The following MARCHF8 variants were observed in gnomAD, a reference collection of about 807,000 sequenced individuals.
MARCHF8 encodes membrane associated ring-CH-type finger 8.
In MARCHF8, 40 loss-of-function variants were observed where a neutral mutation model predicts 51.6. That is an observed-to-expected ratio of 0.77 (90% CI 0.60 to 1.01). The LOEUF (loss-of-function observed/expected upper bound fraction) is 1.01, where lower values mean the gene tolerates loss of function less well. Ranked by LOEUF, MARCHF8 falls within the 50% of genes least tolerant of loss-of-function variation. MARCHF8 has a pLI of 0.00. For missense variants in MARCHF8, 685 were observed against 708.6 expected, an observed-to-expected ratio of 0.97 and a Z score of 0.38; for synonymous variants, 263 against 280.3, an observed-to-expected ratio of 0.94 and a Z score of 0.62.
intron 2 of MARCHF8, among the ~76,000 whole-genome samples, chr10:45,498,419 G>A (rs930465605): frequency 3.3e-5 from 5 of 151,458 alleles, no homozygotes; most frequent in Admixed American, 1.3e-4. Flanking sequence ...TTCTTTTTGC[G>A]ATTAGCTCAC....
intron 1 of MARCHF8, among the ~76,000 whole-genome samples, chr10:45,565,200 G>A (rs928462299): frequency 9.9e-5 from 15 of 152,088 alleles, no homozygotes; most frequent in African/African-American, 3.1e-4. Flanking sequence ...GGAGGCCAAG[G>A]GGGGTGAATC....
At chr10:45,495,501 T>C (rs933415847) in intron 2 of MARCHF8, among the ~76,000 whole-genome samples, 2 of 152,136 alleles carry the variant, frequency 1.3e-5, no homozygotes, top group Non-Finnish European at 2.9e-5. Context: ...AGACATCTGA[T>C]ATTCAATGAA....
chr10:45,498,828 A>G (rs952820964), intron 2 of MARCHF8, among the ~76,000 whole-genome samples: 1 of 152,216 alleles, frequency 6.6e-6, no homozygotes, highest in Non-Finnish European at 1.5e-5. Flanking sequence ...TAAATGTACC[A>G]TATTTTATTT....
upstream of MARCHF8, among the ~76,000 whole-genome samples, chr10:45,536,365 G>A (rs550246512): frequency 2.6e-5 from 4 of 151,890 alleles, no homozygotes; most frequent in South Asian, 8.3e-4. Flanking sequence ...AAGAAATTTG[G>A]ATCTCTTCCT....
chr10:45,481,302 T>C (rs1462571184), intron 3 of MARCHF8, among the ~76,000 whole-genome samples: 2 of 152,214 alleles, frequency 1.3e-5, no homozygotes, highest in African/African-American at 4.8e-5. Context: ...CTTTGGACTG[T>C]GGACTTTTGA....
chr10:45,525,161 TATGATCTATCAATACTC>T (rs1373187757), intron 2 of MARCHF8, among the ~76,000 whole-genome samples: 1 of 152,218 alleles, frequency 6.6e-6, no homozygotes, highest in Non-Finnish European at 1.5e-5. Context: ...ATGAATACAG[TATGATCTATCAATACTC>T]ATGTGTTTTT....
intron 1 of MARCHF8, among the ~76,000 whole-genome samples, chr10:45,548,340 A>C (rs2133329805): frequency 6.6e-6 from 1 of 152,332 alleles, no homozygotes; most frequent in East Asian, 1.9e-4. Flanking sequence ...CATGAGAGTG[A>C]GATGCTAATG....
At chr10:45,586,227 C>T (rs2044617068) in intron 1 of MARCHF8, among the ~76,000 whole-genome samples, 1 of 152,134 alleles carries the variant, frequency 6.6e-6, no homozygotes, top group Non-Finnish European at 1.5e-5. Flanking sequence ...CATTCCCCAC[C>T]CCTACCTATA....
intron 3 of MARCHF8, among the ~76,000 whole-genome samples, chr10:45,488,939 G>A (rs1166547190): frequency 6.6e-6 from 1 of 152,050 alleles, no homozygotes; most frequent in Non-Finnish European, 1.5e-5. Flanking sequence ...CACAGAATCG[G>A]GTGCACTACA....
At chr10:45,567,837 G>T (rs2044382195) in intron 1 of MARCHF8, among the ~76,000 whole-genome samples, 1 of 152,112 alleles carries the variant, frequency 6.6e-6, no homozygotes, top group Non-Finnish European at 1.5e-5. Context: ...TTGATATTTT[G>T]GTAGGGTTTG....
At chr10:45,537,922 T>C (rs1310813569), upstream of MARCHF8, among the ~76,000 whole-genome samples, 2 of 152,132 alleles carry the variant, frequency 1.3e-5, no homozygotes, top group Non-Finnish European at 2.9e-5. Context: ...GCCATAGAAA[T>C]AGTAAAAGGA....
At chr10:45,488,855 C>G (rs2043031672) in intron 3 of MARCHF8, among the ~76,000 whole-genome samples, 1 of 152,160 alleles carries the variant, frequency 6.6e-6, no homozygotes. Flanking sequence ...TGTCTCTTGT[C>G]TTTTATTCCC....
At chr10:45,572,508 G>A (rs561577930) in intron 1 of MARCHF8, among the ~76,000 whole-genome samples, 10 of 152,154 alleles carry the variant, frequency 6.6e-5, no homozygotes, top group Middle Eastern at 3.4e-3. Context: ...ACTCGATAAC[G>A]GCTCTAAATG....
At chr10:45,561,818 G>A (rs1185020640) in intron 1 of MARCHF8, among the ~76,000 whole-genome samples, 4 of 148,370 alleles carry the variant, frequency 2.7e-5, no homozygotes, top group East Asian at 4.0e-4. Context: ...AGAGAATGGC[G>A]TGAACCCAGG....
At chr10:45,482,137 A>G (rs534201376) in intron 3 of MARCHF8, among the ~76,000 whole-genome samples, 4 of 152,326 alleles carry the variant, frequency 2.6e-5, no homozygotes, top group Admixed American at 2.0e-4. Context: ...AAGGAAAACT[A>G]CAAAACACTG....
chr10:45,499,843 A>C (rs1463166052), intron 2 of MARCHF8, among the ~76,000 whole-genome samples: 2 of 152,178 alleles, frequency 1.3e-5, no homozygotes, highest in African/African-American at 4.8e-5. Flanking sequence ...GTAGCTTTGT[A>C]ATAAGTTTTG....
intron 7 of MARCHF8, 113 bp downstream of exon 7, chr10:45,459,007 T>C (rs757366147): frequency 1.2e-4 from 168 of 1,360,844 alleles, no homozygotes; most frequent in Non-Finnish European, 1.6e-4. Flanking sequence ...CTAACTGATG[T>C]CCCTCCTCCG....
intron 3 of MARCHF8, 30 bp downstream of exon 3, chr10:45,489,337 A>C: frequency 6.4e-7 from 1 of 1,572,226 alleles, no homozygotes; most frequent in Non-Finnish European, 8.7e-7. Flanking sequence ...GACTCAAGGT[A>C]ATAAATAACA....
In MARCHF8 at chr10:45,516,271, A is replaced by C. The variant is rs1028068743; in HGVS notation, c.102+16839T>G. Among the ~76,000 whole-genome samples, 4 of 152,178 alleles carry C rather than the reference A, an allele frequency of 2.6e-5. No homozygotes were observed. The South Asian group carries it at 8.3e-4, about 32-fold the overall frequency. Reference sequence around the variant, plus strand: ...GTCTTCTCTACTTCATTCCCAGCCTAGACACAAGAGATCACTAAAACAGTG... The same window carrying C: ...GTCTTCTCTACTTCATTCCCAGCCTCGACACAAGAGATCACTAAAACAGTG... On this transcript the variant is annotated intron_variant, in intron 2 of 7. Coordinates refer to ENST00000453424, the MANE Select transcript of MARCHF8 (RefSeq NM_001282866.2).
Sources: gnomAD v4.1 joint callset for allele counts (sites outside exome capture counted in the v4.1 genomes callset) on GRCh38, gnomAD v4.1.1 for gene constraint, MANE v1.5 for transcripts, NCBI Gene and HGNC (gene_info 2026-07-23, HGNC 2026-07-21) for gene names.